Variants in PIGL observed in about 807,000 individuals in gnomAD.
PIGL encodes the protein N-acetylglucosaminyl-phosphatidylinositol de-N-acetylase.
Under a neutral mutation model 31.1 loss-of-function variants are expected in PIGL, and 22 were observed. That is an observed-to-expected ratio of 0.71 (90% confidence interval 0.51 to 1.01). PIGL has a LOEUF of 1.01. PIGL is among the 50% of genes least tolerant of loss of function. The pLI is 0.00. For missense variants in PIGL, 302 were observed against 315.9 expected, an observed-to-expected ratio of 0.96 and a Z score of 0.33; for synonymous variants, 131 against 117.4, an observed-to-expected ratio of 1.12 and a Z score of -0.75.
chr17:16,299,223 G>T (rs963161891), intron 2 of PIGL, among the ~76,000 whole-genome samples: 1 of 151,598 alleles, frequency 6.6e-6, no homozygotes, highest in South Asian at 2.1e-4. Flanking sequence ...GGAGGCCAAG[G>T]TTGGGCCAAT....
intron 2 of PIGL, among the ~76,000 whole-genome samples, chr17:16,250,239 C>T (rs2092765521): frequency 6.6e-6 from 1 of 152,160 alleles, no homozygotes; most frequent in African/African-American, 2.4e-5. Flanking sequence ...CATGAGCCAC[C>T]ATGCCTGGCT....
At chr17:16,267,128 T>C (rs2092847610) in intron 2 of PIGL, among the ~76,000 whole-genome samples, 1 of 152,212 alleles carries the variant, frequency 6.6e-6, no homozygotes, top group Admixed American at 6.5e-5. Context: ...ACCAGAAGCC[T>C]TCTTGATAAC....
At chr17:16,218,177 C>T (rs2092605171) in intron 1 of PIGL, 1 of 152,114 alleles carries the variant, frequency 6.6e-6, no homozygotes, top group African/African-American at 2.4e-5. Context: ...TATGGCATGT[C>T]AAAGTATACC....
chr17:16,264,056 A>G (rs756047256), intron 2 of PIGL, among the ~76,000 whole-genome samples: 46 of 127,936 alleles, frequency 3.6e-4, no homozygotes, highest in Admixed American at 1.9e-3. Flanking sequence ...TCTGTTGCCC[A>G]GGCTGGAGTG....
rs34777606 is a variant in PIGL, at chr17:16,320,935, A to ATT, written c.660+3046_660+3047dup. Among the ~76,000 whole-genome samples the ATT allele has an allele frequency of 4.5e-3, 408 of 89,972 alleles. 8 individuals carry two copies. The highest frequency in any genetic ancestry group is 0.012 in the Middle Eastern group (1 of 82). The allele number at this position is 89,972 out of a possible 152,430, so 59.0% of individuals were successfully genotyped here. ...CAGGCATGAGCCACTGTGCCTGGCCATTTTTTTTTTTTTTTTTTTTGAGAC... is the reference window on the plus strand; with the variant it reads ...CAGGCATGAGCCACTGTGCCTGGCCATTTTTTTTTTTTTTTTTTTTTTGAGAC... On this transcript the variant is annotated intron_variant, in intron 6 of 6. Coordinates refer to ENST00000225609, the MANE Select transcript of PIGL (RefSeq NM_004278.4).
At chr17:16,264,710 G>A (rs147648458) in intron 2 of PIGL, among the ~76,000 whole-genome samples, 3 of 151,622 alleles carry the variant, frequency 2.0e-5, no homozygotes, top group African/African-American at 2.4e-5. Flanking sequence ...TCAGCTCACT[G>A]CAGGTTACTC....
chr17:16,324,581 A>G (rs2093119441), intron 6 of PIGL, among the ~76,000 whole-genome samples: 1 of 151,780 alleles, frequency 6.6e-6, no homozygotes, highest in Admixed American at 6.6e-5. Flanking sequence ...CTGGTCTCGA[A>G]CTCCCGACTT....
At chr17:16,313,415 G>A in intron 3 of PIGL, 132 bp from the exon 4 acceptor site, 2 of 719,158 alleles carry the variant, frequency 2.8e-6, no homozygotes, top group Non-Finnish European at 5.1e-6. Context: ...CTGCTCAGAA[G>A]TCACTTCAGA....
At chr17:16,241,196 T>C (rs2092721911) in intron 2 of PIGL, among the ~76,000 whole-genome samples, 1 of 147,384 alleles carries the variant, frequency 6.8e-6, no homozygotes, top group Non-Finnish European at 1.5e-5. Flanking sequence ...CACCTAGATA[T>C]CTAGGTGGAT....
chr17:16,233,930 T>C (rs748542809), intron 1 of PIGL, 41 bp from the exon 2 acceptor site: 4 of 991,764 alleles, frequency 4.0e-6, no homozygotes, highest in Non-Finnish European at 6.0e-6. Context: ...TCTCCACTGT[T>C]AAAAAAAAAA....
At chr17:16,307,520 C>T (rs975974322) in intron 3 of PIGL, among the ~76,000 whole-genome samples, 6 of 152,192 alleles carry the variant, frequency 3.9e-5, no homozygotes, top group Non-Finnish European at 8.8e-5. Context: ...ATGAAGGAAA[C>T]CACATTTAAA....
At chr17:16,237,832 CTCTTT>C (rs1445407773) in intron 2 of PIGL, among the ~76,000 whole-genome samples, 6 of 145,614 alleles carry the variant, frequency 4.1e-5, no homozygotes, top group Non-Finnish European at 7.5e-5. Context: ...AAAATTGAAT[CTCTTT>C]TCTGTCACAC....
At chr17:16,304,688 G>T (rs2093019480) in intron 3 of PIGL, among the ~76,000 whole-genome samples, 1 of 152,186 alleles carries the variant, frequency 6.6e-6, no homozygotes, top group Non-Finnish European at 1.5e-5. Flanking sequence ...TGTCTTCTCT[G>T]GGTGTTAAGC....
At chr17:16,245,713 T>C (rs1443314577) in intron 2 of PIGL, among the ~76,000 whole-genome samples, 8 of 151,048 alleles carry the variant, frequency 5.3e-5, no homozygotes, top group Middle Eastern at 3.5e-3. Context: ...TATATATATA[T>C]ACACACATAT....
chr17:16,315,708 C>CTTTTTTTTTTT (rs1157169209), intron 4 of PIGL, among the ~76,000 whole-genome samples: 9 of 58,992 alleles, frequency 1.5e-4, no homozygotes, highest in East Asian at 4.9e-4. Context: ...TTCTTTCTTT[C>CTTTTTTTTTTT]TTTTTTTTTT....
At chr17:16,290,201 G>T (rs1481048588) in intron 2 of PIGL, among the ~76,000 whole-genome samples, 1 of 151,098 alleles carries the variant, frequency 6.6e-6, no homozygotes, top group Non-Finnish European at 1.5e-5. Flanking sequence ...TCCTGCCTCA[G>T]CCTCCCGAGT....
intron 2 of PIGL, among the ~76,000 whole-genome samples, chr17:16,254,113 C>T (rs1388176582): frequency 6.6e-6 from 1 of 152,166 alleles, no homozygotes; most frequent in Non-Finnish European, 1.5e-5. Flanking sequence ...CAACGCCCTT[C>T]ATCTTGTCCC....
At chr17:16,240,942 C>T (rs746329699) in intron 2 of PIGL, among the ~76,000 whole-genome samples, 8 of 151,330 alleles carry the variant, frequency 5.3e-5, no homozygotes, top group Non-Finnish European at 8.8e-5. Flanking sequence ...TGGAGAAACC[C>T]GGTCTCTACT....
chr17:16,234,947 C>T (rs1248938384), intron 2 of PIGL, among the ~76,000 whole-genome samples: 1 of 151,984 alleles, frequency 6.6e-6, no homozygotes. Context: ...GTATCATAAA[C>T]CCCCATTTGC....
Sources: gnomAD v4.1 joint callset for allele counts (sites outside exome capture counted in the v4.1 genomes callset) on GRCh38, gnomAD v4.1.1 for gene constraint, MANE v1.5 for transcripts, NCBI Gene and HGNC (gene_info 2026-07-23, HGNC 2026-07-21) for gene names.